The following TSC22D1 variants were observed in gnomAD, a reference collection of about 807,000 sequenced individuals.
TSC22D1 encodes the protein TSC22 domain family protein 1.
A neutral mutation model predicts 74.2 loss-of-function variants in TSC22D1; 9 were observed. That is an observed-to-expected ratio of 0.12 (90% confidence interval 0.07 to 0.21). The LOEUF is 0.21. Among genes scored for constraint, TSC22D1 ranks in the 10% least tolerant of loss-of-function variants. The pLI is 1.00. For missense variants in TSC22D1, 1,427 were observed against 1,304.7 expected (o/e 1.09, Z -1.44); for synonymous variants, 586 against 492.5 (o/e 1.19, Z -2.51).
At chr13:44,452,080 G>A (rs1202416917) in intron 1 of TSC22D1, among the ~76,000 whole-genome samples, 2 of 152,178 alleles carry the variant, frequency 1.3e-5, no homozygotes, top group Non-Finnish European at 2.9e-5. Flanking sequence ...CACAAGCTTA[G>A]TCCGACTTGA....
chr13:44,533,356 C>A (rs542352438), intron 1 of TSC22D1, among the ~76,000 whole-genome samples: 2 of 150,912 alleles, frequency 1.3e-5, no homozygotes, highest in South Asian at 2.1e-4. Flanking sequence ...CAGCTACTCA[C>A]GAGGCTGAGG....
At chr13:44,567,325 T>C (rs999034672) in intron 1 of TSC22D1, among the ~76,000 whole-genome samples, 28 of 152,308 alleles carry the variant, frequency 1.8e-4, no homozygotes, top group African/African-American at 6.5e-4. Flanking sequence ...ACAGCCAGGT[T>C]ACCATACAGG....
At position 44,520,383 on chromosome 13, in the gene TSC22D1, A is replaced by C. The variant is rs563774651; in HGVS notation, c.2912+52780T>G. Among the ~76,000 whole-genome samples, 342 of 152,300 alleles carry C rather than the reference A, an allele frequency of 2.2e-3. 4 individuals carry two copies. Among genetic ancestry groups the C allele is most frequent in the Non-Finnish European group, 3.9e-3 (265 of 68,020 alleles). On this transcript the variant is annotated intron_variant, in intron 1 of 2. Transcript: ENST00000458659. ...GACTAGATACAAAGCTGTCCACTTG[A>C]TCTACTAATAACCTCAATAGTATTA...
chr13:44,436,017 T>C (rs1369767616), intron 2 of TSC22D1, 27 bp downstream of exon 2: 35 of 1,606,418 alleles, frequency 2.2e-5, no homozygotes, highest in Non-Finnish European at 2.8e-5. Flanking sequence ...CCACATTTAG[T>C]ATAAATGATT....
At chr13:44,524,215 T>G (rs892103903) in intron 1 of TSC22D1, among the ~76,000 whole-genome samples, 5 of 151,310 alleles carry the variant, frequency 3.3e-5, no homozygotes, top group African/African-American at 1.2e-4. Context: ...CACTGAAAAA[T>G]TCATACTACT....
At chr13:44,552,692 G>C (rs1235854524) in intron 1 of TSC22D1, among the ~76,000 whole-genome samples, 1 of 152,116 alleles carries the variant, frequency 6.6e-6, no homozygotes, top group Non-Finnish European at 1.5e-5. Flanking sequence ...AATACTAATA[G>C]AAAATAAGGT....
intron 1 of TSC22D1, among the ~76,000 whole-genome samples, chr13:44,518,006 A>C (rs1880134504): frequency 6.8e-6 from 1 of 147,326 alleles, no homozygotes; most frequent in Non-Finnish European, 1.5e-5. Flanking sequence ...ATAGACGTGC[A>C]CCACCACGCC....
At chr13:44,509,595 G>A (rs1252599899) in intron 1 of TSC22D1, among the ~76,000 whole-genome samples, 1 of 152,136 alleles carries the variant, frequency 6.6e-6, no homozygotes, top group African/African-American at 2.4e-5. Flanking sequence ...AGCCAAGATC[G>A]TGCCACTGCA....
chr13:44,536,926 G>GAAAAAAA (rs10596156), intron 1 of TSC22D1: 37 of 495,166 alleles, frequency 7.5e-5, no homozygotes, highest in African/African-American at 1.4e-4. Context: ...GTATTTTTCT[G>GAAAAAAA]AAAAAAAAAA....
intron 1 of TSC22D1, among the ~76,000 whole-genome samples, chr13:44,469,229 C>T (rs142347443): frequency 6.6e-5 from 10 of 152,238 alleles, no homozygotes; most frequent in Non-Finnish European, 1.0e-4. Context: ...AAGTACCCAC[C>T]GCCTACCCAT....
rs1239268766 is a variant in TSC22D1 at position 44,444,325 on chromosome 13, G to GA, written c.2913-8231dup. ...AAAAAAAAAGAAAAGAAAAGAAAAA[G>GA]AAAAAAAAACAATAATGACATTAAA... On this transcript the variant is annotated intron_variant, in intron 1 of 2. Transcript: ENST00000458659. Among the ~76,000 whole-genome samples, 47 of 80,376 alleles carry GA rather than the reference G, an allele frequency of 5.8e-4. 1 individual carries two copies. The highest frequency in any genetic ancestry group is 1.2e-3 in the African/African-American group (26 of 21,218). The allele number at this position is 80,376 out of a possible 152,430, so 52.7% of individuals were successfully genotyped here.
rs1321745715 is a variant in TSC22D1, at chr13:44,551,403, T to G, written c.2912+21760A>C. On this transcript the variant is annotated intron_variant, in intron 1 of 2. Transcript: ENST00000458659. ...CCAATCAGATGGGTGTGTGTGTGTG[T>G]GTGTGTGTGTGTGTGTGTGTGTGTG... is the stretch of plus-strand genomic sequence containing the variant. Among the ~76,000 whole-genome samples the G allele has an allele frequency of 6.3e-4, 94 of 148,980 alleles. 1 individual carries two copies. Among genetic ancestry groups the G allele is most frequent in the East Asian group, 3.8e-3 (19 of 4,960 alleles).
intron 1 of TSC22D1, among the ~76,000 whole-genome samples, chr13:44,530,815 T>TA (rs1247481185): frequency 1.1e-4 from 16 of 152,246 alleles, no homozygotes; most frequent in Non-Finnish European, 2.1e-4. Context: ...ACACACCTAT[T>TA]AGAGTAGCTA....
intron 1 of TSC22D1, among the ~76,000 whole-genome samples, chr13:44,534,325 G>A (rs1354902295): frequency 9.9e-5 from 14 of 141,804 alleles, no homozygotes; most frequent in Non-Finnish European, 7.5e-5. Flanking sequence ...TGGTGCTACT[G>A]CACTCCAGCC....
chr13:44,532,041 A>G (rs1049660835), intron 1 of TSC22D1, among the ~76,000 whole-genome samples: 1 of 152,222 alleles, frequency 6.6e-6, no homozygotes, highest in Admixed American at 6.5e-5. Context: ...TAGTAAATAC[A>G]ACCCGAAAAA....
intron 1 of TSC22D1, among the ~76,000 whole-genome samples, chr13:44,535,639 A>C (rs564205428): frequency 6.6e-5 from 10 of 151,968 alleles, no homozygotes; most frequent in African/African-American, 2.2e-4. Context: ...CAAACAAACA[A>C]ACAAAAAAAA....
intron 1 of TSC22D1, among the ~76,000 whole-genome samples, chr13:44,464,399 G>A (rs900547561): frequency 6.6e-5 from 10 of 152,114 alleles, no homozygotes; most frequent in African/African-American, 9.7e-5. Flanking sequence ...AAATGCCTGC[G>A]AGGATGACAA....
At chr13:44,490,771 C>T (rs1178131504) in intron 1 of TSC22D1, among the ~76,000 whole-genome samples, 1 of 151,862 alleles carries the variant, frequency 6.6e-6, no homozygotes, top group Non-Finnish European at 1.5e-5. Context: ...GTGGTGCATG[C>T]CTGTAATCCC....
chr13:44,487,659 A>G (rs1459503164), intron 1 of TSC22D1, among the ~76,000 whole-genome samples: 1 of 152,012 alleles, frequency 6.6e-6, no homozygotes, highest in African/African-American at 2.4e-5. Flanking sequence ...GCAATACAAG[A>G]GTAGCTTACC....
Sources: gnomAD v4.1 joint callset for allele counts (sites outside exome capture counted in the v4.1 genomes callset) on GRCh38, gnomAD v4.1.1 for gene constraint, MANE v1.5 for transcripts, NCBI Gene and HGNC (gene_info 2026-07-23, HGNC 2026-07-21) for gene names.